Variants in DAP observed in about 807,000 individuals in gnomAD.
DAP encodes the protein death associated protein.
Under a neutral mutation model 13.8 loss-of-function variants are expected in DAP, and 8 were observed. The ratio of observed to expected loss-of-function variants is 0.58; its 90% CI spans 0.34 to 1.05. The LOEUF is 1.05. Ranked by LOEUF, DAP falls within the 50% of genes least tolerant of loss-of-function variation. The pLI is 0.03. For synonymous variants in DAP, 47 were observed against 47.5 expected (o/e 0.99, Z 0.04); for missense variants, 106 against 133.2 (o/e 0.80, Z 1.01).
At chr5:10,696,787 C>G (rs192178773) in intron 2 of DAP, among the ~76,000 whole-genome samples, 1 of 152,112 alleles carries the variant, frequency 6.6e-6, no homozygotes, top group Non-Finnish European at 1.5e-5. Flanking sequence ...AGAATGCCAG[C>G]GGGCCCACCT....
intron 2 of DAP, among the ~76,000 whole-genome samples, chr5:10,702,937 T>C (rs1305077630): frequency 6.6e-6 from 1 of 152,228 alleles, no homozygotes; most frequent in Non-Finnish European, 1.5e-5. Flanking sequence ...TGTGCACCCT[T>C]ACCCTGAGCA....
At chr5:10,698,284 A>C (rs1411028862) in intron 2 of DAP, among the ~76,000 whole-genome samples, 1 of 128,952 alleles carries the variant, frequency 7.8e-6, no homozygotes, top group Non-Finnish European at 1.7e-5. Flanking sequence ...AGACTTAGCA[A>C]AAAAAAAAAA....
At chr5:10,693,506 G>A (rs1356871788) in intron 2 of DAP, among the ~76,000 whole-genome samples, 1 of 152,164 alleles carries the variant, frequency 6.6e-6, no homozygotes, top group African/African-American at 2.4e-5. Context: ...TGAGTTAGGC[G>A]CTCCCCTTAG....
chr5:10,683,703 TGC>T (rs1738089115), intron 2 of DAP, 132 bp from the exon 3 acceptor site: 2 of 797,560 alleles, frequency 2.5e-6, no homozygotes, highest in East Asian at 5.3e-5. Context: ...ACCTCTCCTC[TGC>T]GTTATTTGTT....
intron 2 of DAP, among the ~76,000 whole-genome samples, chr5:10,712,060 G>T (rs911045735): frequency 3.3e-5 from 5 of 152,108 alleles, no homozygotes; most frequent in African/African-American, 1.2e-4. Context: ...CTTTAAAGAG[G>T]TGATTAAGTT....
At position 10,680,380 on chromosome 5, in the gene DAP, G is replaced by C. The variant is rs56971497; in HGVS notation, c.*676C>G. ...GAGGCGATGCTGGGCTTGCCGTGCC[G>C]AGATCTCATGCCAGAAGTCCTCCCT... is the stretch of plus-strand genomic sequence containing the variant. On this transcript the variant is annotated 3_prime_UTR_variant, in exon 4 of 4. Coordinates refer to ENST00000230895, the MANE Select transcript of DAP (RefSeq NM_004394.3). 2 of 294,156 alleles carry C rather than the reference G, an allele frequency of 6.8e-6. No homozygotes were observed. Among genetic ancestry groups the C allele is most frequent in the African/African-American group, 4.4e-5 (2 of 45,478 alleles). The allele number at this position is 294,156 out of a possible 1,614,324, so 18.2% of individuals were successfully genotyped here.
rs79592929 is a variant in DAP, at chr5:10,723,712, T to C, written c.152+24463A>G. ...CTATCACAGGCTCCAGGCCAGATAC[T>C]AAAGCAAAAGAATGTGTGAAACCAA... is the stretch of plus-strand genomic sequence containing the variant. On this transcript the variant is annotated intron_variant, in intron 2 of 3. Transcript: ENST00000230895. Among the ~76,000 whole-genome samples, 201 of 152,364 alleles carry C rather than the reference T, an allele frequency of 1.3e-3. 1 individual carries two copies. The highest frequency in any genetic ancestry group is 0.01 in the Middle Eastern group (3 of 294).
At chr5:10,713,379 G>A (rs1185732041) in intron 2 of DAP, among the ~76,000 whole-genome samples, 2 of 152,182 alleles carry the variant, frequency 1.3e-5, no homozygotes, top group African/African-American at 4.8e-5. Context: ...GGACTGGGCT[G>A]GGCAGCAGAG....
chr5:10,697,689 GA>G lies in DAP; in HGVS notation c.153-14119del, dbSNP rs1255834478. 2.6e-5 allele frequency among the ~76,000 whole-genome samples: 4 copies of G among 152,030 alleles called. No individual in the cohort carries two copies. The East Asian group carries it at 7.7e-4, about 29-fold the overall frequency. On this transcript the variant is annotated intron_variant, in intron 2 of 3. Coordinates refer to ENST00000230895, the MANE Select transcript of DAP (RefSeq NM_004394.3). ...AAAAAGGAAAATGATCATGTAGGTA[GA>G]AAAAAATCCAACAAGACAACTGTCA... is the stretch of plus-strand genomic sequence containing the variant.
chr5:10,729,765 T>C (rs1028983107), intron 2 of DAP, among the ~76,000 whole-genome samples: 2 of 152,184 alleles, frequency 1.3e-5, no homozygotes, highest in African/African-American at 4.8e-5. Context: ...ACAGAGATGC[T>C]ACTCCAGTTC....
intron 2 of DAP, among the ~76,000 whole-genome samples, chr5:10,739,760 C>T (rs187820077): frequency 8.7e-5 from 13 of 149,750 alleles, no homozygotes; most frequent in Non-Finnish European, 1.6e-4. Flanking sequence ...AGCCCAGGCC[C>T]GGTTCAACTA....
In DAP at chr5:10,698,282, C is replaced by CAAAAAA. The variant is rs71613386; in HGVS notation, c.153-14717_153-14712dup. Among the ~76,000 whole-genome samples the CAAAAAA allele has an allele frequency of 2.0e-3, 85 of 42,840 alleles. 2 individuals are homozygous for CAAAAAA. Among genetic ancestry groups the CAAAAAA allele is most frequent in the African/African-American group, 2.4e-3 (31 of 12,734 alleles). The allele number at this position is 42,840 out of a possible 152,430, so 28.1% of individuals were successfully genotyped here. On this transcript the variant is annotated intron_variant, in intron 2 of 3. Transcript: ENST00000230895. Reference sequence around the variant, plus strand: ...GCACTTGGGCCTTTTCCAGACTTAGCAAAAAAAAAAAAAAAAAAAAAAAAA... The same window carrying CAAAAAA: ...GCACTTGGGCCTTTTCCAGACTTAGCAAAAAAAAAAAAAAAAAAAAAAAAAAAAAAA...
chr5:10,715,172 T>G (rs1738952681), intron 2 of DAP, among the ~76,000 whole-genome samples: 1 of 152,170 alleles, frequency 6.6e-6, no homozygotes, highest in Non-Finnish European at 1.5e-5. Context: ...TTCCTGTTTT[T>G]GGAGGAGAGG....
At chr5:10,731,334 G>C (rs1435966390) in intron 2 of DAP, among the ~76,000 whole-genome samples, 1 of 152,212 alleles carries the variant, frequency 6.6e-6, no homozygotes, top group South Asian at 2.1e-4. Context: ...TGCGGGTGGA[G>C]GAAAGGGAGG....
intron 2 of DAP, among the ~76,000 whole-genome samples, chr5:10,721,587 T>C (rs754024611): frequency 6.6e-6 from 1 of 152,170 alleles, no homozygotes; most frequent in Non-Finnish European, 1.5e-5. Context: ...AGTCTTACCA[T>C]TGCCTGTGAT....
intron 2 of DAP, among the ~76,000 whole-genome samples, chr5:10,729,879 T>G (rs1739391093): frequency 6.6e-6 from 1 of 152,228 alleles, no homozygotes; most frequent in East Asian, 1.9e-4. Flanking sequence ...AGCTCCAGCA[T>G]GCACTTGTGG....
chr5:10,683,276 GGTC>G, intron 3 of DAP: 1 of 561,856 alleles, frequency 1.8e-6, no homozygotes, highest in Middle Eastern at 4.7e-4. Context: ...ACTGGTGGGA[GGTC>G]TGCGCTTAAG....
chr5:10,730,660 C>G (rs1231639251), intron 2 of DAP, among the ~76,000 whole-genome samples: 48 of 91,480 alleles, frequency 5.2e-4, no homozygotes, highest in African/African-American at 9.2e-4. Flanking sequence ...GAATCTTTCT[C>G]TACTGAGAGC....
At chr5:10,703,313 G>A (rs1357979950) in intron 2 of DAP, among the ~76,000 whole-genome samples, 2 of 152,226 alleles carry the variant, frequency 1.3e-5, no homozygotes, top group African/African-American at 4.8e-5. Context: ...TCCAAGTGTA[G>A]GCTGTGAAAT....
Sources: gnomAD v4.1 joint callset for allele counts (sites outside exome capture counted in the v4.1 genomes callset) on GRCh38, gnomAD v4.1.1 for gene constraint, MANE v1.5 for transcripts, NCBI Gene and HGNC (gene_info 2026-07-23, HGNC 2026-07-21) for gene names.